The following BTD variants were observed in gnomAD, a reference collection of about 807,000 sequenced individuals.
BTD encodes biocytinase.
In BTD, 13 loss-of-function variants were observed where a neutral mutation model predicts 17.7. That is an observed-to-expected ratio of 0.74 (90% CI 0.48 to 1.17). The LOEUF (loss-of-function observed/expected upper bound fraction) is 1.17. Among genes scored for constraint, BTD ranks in the 50% most tolerant of loss-of-function variants. The pLI, the probability that BTD is intolerant of heterozygous loss-of-function variation, is 0.00. For synonymous variants in BTD, 240 were observed against 245.2 expected (o/e 0.98, Z 0.20); for missense variants, 674 against 650.4 (o/e 1.04, Z -0.39).
downstream of BTD, among the ~76,000 whole-genome samples, chr3:15,658,384 T>C (rs576937938): frequency 1.3e-3 from 193 of 152,306 alleles, no homozygotes; most frequent in Admixed American, 2.2e-3. Context: ...CAGCACCTGT[T>C]AATTGAGTGA....
intron 3 of BTD, among the ~76,000 whole-genome samples, chr3:15,690,598 TC>T (rs2068660273): frequency 6.6e-6 from 1 of 152,142 alleles, no homozygotes; most frequent in Non-Finnish European, 1.5e-5. Flanking sequence ...AGGGTCTTGC[TC>T]TGTTGCCCCA....
rs368140632 is a variant in BTD at position 15,687,510 on chromosome 3, A to C, written c.400-22550A>C. Reference sequence around the variant, plus strand: ...TCCTGTTAATATATACAAAGTCTGAAGTTTAAAGAAATACATTAGAAAAAA... The same window carrying C: ...TCCTGTTAATATATACAAAGTCTGACGTTTAAAGAAATACATTAGAAAAAA... On this transcript the variant is annotated intron_variant, in intron 3 of 3. Transcript: ENST00000672141. Among the ~76,000 whole-genome samples, 10 of 152,312 alleles carry C rather than the reference A, an allele frequency of 6.6e-5. No individual in the cohort carries two copies. In the South Asian group the frequency reaches 2.1e-3, roughly 32 times the overall value.
rs34994790 is a variant in BTD at position 15,679,447 on chromosome 3, C to G, written c.400-30613C>G. On this transcript the variant is annotated intron_variant, in intron 3 of 3. Transcript: ENST00000672141. ...GGTGTATTTCTTAAAACACTCAAAC[C>G]AAATCTGATTCATTCTGGCTTTACT... 8.1e-3 allele frequency: 13,001 copies of G among 1,613,544 alleles called. 64 individuals carry two copies. Among genetic ancestry groups the G allele is most frequent in the Non-Finnish European group, 9.4e-3 (11,114 of 1,179,550 alleles).
intron 1 of BTD, among the ~76,000 whole-genome samples, chr3:15,626,627 A>G (rs1350782272): frequency 1.3e-5 from 2 of 152,098 alleles, no homozygotes; most frequent in Non-Finnish European, 2.9e-5. Context: ...AAATTAAAAA[A>G]TTAGTCACAC....
chr3:15,697,469 T>C (rs936267118), intron 3 of BTD: 2 of 152,146 alleles, frequency 1.3e-5, no homozygotes, highest in Non-Finnish European at 2.9e-5. Flanking sequence ...CCAGGAACTA[T>C]TGAAATAAAA....
intron 3 of BTD, among the ~76,000 whole-genome samples, chr3:15,709,129 G>C (rs1277206200): frequency 2.6e-5 from 4 of 152,142 alleles, no homozygotes; most frequent in Non-Finnish European, 5.9e-5. Flanking sequence ...TCATTTCACA[G>C]CTGCCTTCCT....
chr3:15,654,345 AGGGGAATAACAT>A (rs547601470), downstream of BTD, among the ~76,000 whole-genome samples: 11 of 152,198 alleles, frequency 7.2e-5, no homozygotes, highest in East Asian at 1.9e-3. Context: ...GGGATTAGGC[AGGGGAATAACAT>A]GGTCATTTAA....
intron 3 of BTD, among the ~76,000 whole-genome samples, chr3:15,688,753 G>A (rs1319858537): frequency 6.6e-6 from 1 of 152,230 alleles, no homozygotes; most frequent in Admixed American, 6.5e-5. Context: ...GTGATACGCA[G>A]TGGGTAGCAA....
chr3:15,661,324 A>T (rs1045036793), intron 3 of BTD, among the ~76,000 whole-genome samples: 2 of 150,952 alleles, frequency 1.3e-5, no homozygotes, highest in African/African-American at 4.9e-5. Flanking sequence ...CCACATCCAC[A>T]CTAGCATTTG....
At chr3:15,672,431 TGTGCCC>T (rs2066473371) in intron 3 of BTD, among the ~76,000 whole-genome samples, 1 of 152,114 alleles carries the variant, frequency 6.6e-6, no homozygotes, top group South Asian at 2.1e-4. Context: ...AGTAAGCCAC[TGTGCCC>T]AGCCACAAAA....
At chr3:15,684,388 G>C (rs2067872717) in intron 3 of BTD, 1 of 152,170 alleles carries the variant, frequency 6.6e-6, no homozygotes, top group Non-Finnish European at 1.5e-5. Context: ...ATGTAGCAGA[G>C]TTAACCCATC....
intron 3 of BTD, among the ~76,000 whole-genome samples, chr3:15,663,301 T>G (rs2065944717): frequency 6.6e-6 from 1 of 152,192 alleles, no homozygotes; most frequent in African/African-American, 2.4e-5. Flanking sequence ...GCCTACAGTC[T>G]TCTTATAATC....
intron 3 of BTD, among the ~76,000 whole-genome samples, chr3:15,703,683 A>T (rs538332302): frequency 1.2e-4 from 18 of 152,338 alleles, no homozygotes; most frequent in Admixed American, 7.8e-4. Flanking sequence ...ATACCAGTCC[A>T]AACAGACTAA....
intron 3 of BTD, among the ~76,000 whole-genome samples, chr3:15,680,313 T>TTGAA (rs1396278346): frequency 6.6e-6 from 1 of 152,070 alleles, no homozygotes; most frequent in Non-Finnish European, 1.5e-5. Flanking sequence ...CAAGTGATTC[T>TTGAA]CCTGTCTCAG....
Position 15,649,511 on chromosome 3 carries a change from T to C in BTD, c.*4023T>C, listed in dbSNP as rs1297969078. 2.0e-5 allele frequency among the ~76,000 whole-genome samples: 3 copies of C among 152,220 alleles called. No individual in the cohort carries two copies. Among genetic ancestry groups the C allele is most frequent in the Non-Finnish European group, 4.4e-5 (3 of 68,038 alleles). ...TCTCCCGTTTCTCACCTCCCAACAG[T>C]TGCTGTTCCTCAGGCCAAAGTTCAC... On this transcript the variant is annotated 3_prime_UTR_variant, in exon 4 of 4. Transcript: ENST00000643237.
chr3:15,713,773 A>G (rs1476321878), downstream of BTD: 5 of 498,120 alleles, frequency 1.0e-5, no homozygotes, highest in African/African-American at 2.0e-5. Flanking sequence ...GATTTCATTC[A>G]TAGCTCATTT....
Position 15,652,320 on chromosome 3 carries a change from C to T in BTD, c.*6832C>T, listed in dbSNP as rs1041937467. ...CAGTCTGGGCAACAGAGCGACACTC[C>T]GTCTCCAAAAAAAAAAGATACTGCA... On this transcript the variant is annotated 3_prime_UTR_variant, in exon 4 of 4. Transcript: ENST00000643237. 8.6e-5 allele frequency among the ~76,000 whole-genome samples: 13 copies of T among 151,842 alleles called. No homozygotes were observed. The highest frequency in any genetic ancestry group is 1.3e-4 in the Non-Finnish European group (9 of 67,918).
At chr3:15,665,190 A>AT (rs2125544594) in intron 3 of BTD, among the ~76,000 whole-genome samples, 1 of 152,242 alleles carries the variant, frequency 6.6e-6, no homozygotes, top group Admixed American at 6.5e-5. Context: ...AAATGGAGAC[A>AT]TTTTTTAAGT....
At chr3:15,614,954 T>G (rs187196698) in intron 1 of BTD, among the ~76,000 whole-genome samples, 99 of 152,336 alleles carry the variant, frequency 6.5e-4, no homozygotes, top group East Asian at 5.4e-3. Flanking sequence ...TTTAATCAAC[T>G]TCAGTGTACT....
Sources: gnomAD v4.1 joint callset for allele counts (sites outside exome capture counted in the v4.1 genomes callset) on GRCh38, gnomAD v4.1.1 for gene constraint, MANE v1.5 for transcripts, NCBI Gene and HGNC (gene_info 2026-07-23, HGNC 2026-07-21) for gene names.